SDK1: variants seen among roughly 807,000 people sequenced by gnomAD.
The protein encoded by SDK1 is protein sidekick-1.
In SDK1, 157 loss-of-function variants were observed where a neutral mutation model predicts 245.5. That is an observed-to-expected ratio of 0.64 (90% CI 0.56 to 0.73). SDK1 has a LOEUF of 0.73. Among genes scored for constraint, SDK1 ranks in the 30% least tolerant of loss-of-function variants. The pLI is 0.00. For missense variants in SDK1, 3,583 were observed against 3,002.3 expected (o/e 1.19, Z -4.52); for synonymous variants, 1,647 against 1,278.5 (o/e 1.29, Z -6.15).
chr7:3,460,720 A>G (rs1780807833), intron 1 of SDK1, among the ~76,000 whole-genome samples: 1 of 152,154 alleles, frequency 6.6e-6, no homozygotes, highest in Non-Finnish European at 1.5e-5. Context: ...AATCATTGGG[A>G]ATGAATCAGT....
chr7:3,889,554 CT>C (rs1282843887), intron 5 of SDK1, among the ~76,000 whole-genome samples: 2 of 152,114 alleles, frequency 1.3e-5, no homozygotes, highest in Non-Finnish European at 2.9e-5. Flanking sequence ...GCCACCCAGG[CT>C]GGAGTGCAGA....
At chr7:3,936,397 C>T (rs948067179) in intron 5 of SDK1, among the ~76,000 whole-genome samples, 29 of 151,784 alleles carry the variant, frequency 1.9e-4, no homozygotes, top group African/African-American at 4.4e-4. Context: ...CTGGCTAACA[C>T]GGTGAAACCC....
chr7:4,099,781 G>C (rs1782414733), intron 22 of SDK1, among the ~76,000 whole-genome samples: 1 of 147,526 alleles, frequency 6.8e-6, no homozygotes, highest in South Asian at 2.2e-4. Context: ...ATGGGAGATG[G>C]CCCAAGGGGA....
chr7:3,979,721 TC>T (rs1361268557), intron 13 of SDK1, among the ~76,000 whole-genome samples: 1 of 152,204 alleles, frequency 6.6e-6, no homozygotes, highest in Non-Finnish European at 1.5e-5. Flanking sequence ...GCGTCTTTGC[TC>T]TAGTTTTCTA....
At chr7:3,511,583 C>T (rs191534006) in intron 1 of SDK1, among the ~76,000 whole-genome samples, 116 of 152,170 alleles carry the variant, frequency 7.6e-4, no homozygotes, top group African/African-American at 2.7e-3. Flanking sequence ...TTCCTGTCTT[C>T]TTAACATTGT....
At chr7:4,139,399 ATG>A (rs1396002676) in intron 28 of SDK1, among the ~76,000 whole-genome samples, 75 of 142,506 alleles carry the variant, frequency 5.3e-4, no homozygotes, top group African/African-American at 1.5e-3. Context: ...GTGTGTGTAT[ATG>A]TGTGTGTGTA....
At chr7:3,588,940 C>CAA (rs1341581160) in intron 1 of SDK1, among the ~76,000 whole-genome samples, 2 of 152,148 alleles carry the variant, frequency 1.3e-5, no homozygotes, top group Non-Finnish European at 2.9e-5. Context: ...TTATATACTA[C>CAA]AAAAGAAGCT....
intron 19 of SDK1, among the ~76,000 whole-genome samples, chr7:4,064,148 T>C (rs1779723179): frequency 6.6e-6 from 1 of 152,146 alleles, no homozygotes; most frequent in Admixed American, 6.6e-5. Context: ...AGACAGCCTG[T>C]TGAATGGGAG....
At chr7:3,435,142 A>G (rs1052351754) in intron 1 of SDK1, among the ~76,000 whole-genome samples, 2 of 150,678 alleles carry the variant, frequency 1.3e-5, no homozygotes, top group African/African-American at 5.0e-5. Context: ...GTGATTCTTA[A>G]TAATTTTGCA....
intron 35 of SDK1, chr7:4,179,221 C>T (rs1427913430): frequency 1.3e-5 from 2 of 152,362 alleles, no homozygotes; most frequent in African/African-American, 2.4e-5. Flanking sequence ...ACCTCACCCT[C>T]CTCGCTGGCT....
In SDK1 at chr7:4,221,308, A is replaced by T; in HGVS notation, c.5771A>T (p.Glu1924Val). 6.2e-7 allele frequency: 1 copy of T among 1,613,722 alleles called. No homozygotes were observed. Among genetic ancestry groups the T allele is most frequent in the Non-Finnish European group, 8.5e-7 (1 of 1,179,940 alleles). ...TCTGAACTGACGCTGCAGTGGACTG[A>T]GGGACACTCTGGCGACACACCTACC... ...SASELTLQWT[E>V]GHSGDTPTTG... Residue 1924 changes from glutamate (E) to valine (V), a missense_variant, in exon 40 of 45, where the codon GAG becomes GTG. Transcript: ENST00000404826.
Position 4,013,580 on chromosome 7 carries a change from G to C in SDK1, c.2420+1345G>C, listed in dbSNP as rs1195575854. Among the ~76,000 whole-genome samples, 5 of 152,252 alleles carry C rather than the reference G, an allele frequency of 3.3e-5. No homozygotes were observed. The South Asian group carries it at 1.0e-3, about 32-fold the overall frequency. On this transcript the variant is annotated intron_variant, in intron 16 of 44. Transcript: ENST00000404826. ...AGCTTCATTATCCTTGTGTATGAAG[G>C]GCAACGCCTTCCCTGTATATATGTG...
intron 14 of SDK1, among the ~76,000 whole-genome samples, chr7:4,005,364 C>T (rs1297159608): frequency 1.3e-5 from 2 of 148,174 alleles, no homozygotes; most frequent in Non-Finnish European, 3.0e-5. Flanking sequence ...AGCTGCCTTC[C>T]GTTTCCGGGT....
intron 1 of SDK1, among the ~76,000 whole-genome samples, chr7:3,425,969 A>C (rs1262818468): frequency 6.6e-6 from 1 of 152,238 alleles, no homozygotes; most frequent in African/African-American, 2.4e-5. Flanking sequence ...TCCCCTTCTC[A>C]AAAGATTTTT....
chr7:4,088,443 A>AT (rs1781564524), intron 22 of SDK1, among the ~76,000 whole-genome samples: 1 of 152,086 alleles, frequency 6.6e-6, no homozygotes, highest in Non-Finnish European at 1.5e-5. Context: ...TTATTGTAAG[A>AT]TTTTATCATC....
intron 1 of SDK1, among the ~76,000 whole-genome samples, chr7:3,615,084 A>T (rs1342195778): frequency 6.6e-6 from 1 of 151,696 alleles, no homozygotes; most frequent in East Asian, 1.9e-4. Context: ...GCAAAACCAA[A>T]TTCAGATTTT....
At chr7:4,191,229 C>T (rs2128222629) in intron 35 of SDK1, among the ~76,000 whole-genome samples, 1 of 151,732 alleles carries the variant, frequency 6.6e-6, no homozygotes, top group East Asian at 1.9e-4. Flanking sequence ...TGGGTGTCCT[C>T]CTGGCCCCCA....
At chr7:3,548,628 G>T (rs1583152934) in intron 1 of SDK1, among the ~76,000 whole-genome samples, 1 of 152,150 alleles carries the variant, frequency 6.6e-6, no homozygotes. Context: ...AGGGCACCCA[G>T]GCTTTTGAAA....
At chr7:3,622,582 T>C (rs1331154846) in intron 2 of SDK1, among the ~76,000 whole-genome samples, 3 of 152,208 alleles carry the variant, frequency 2.0e-5, no homozygotes, top group Non-Finnish European at 4.4e-5. Flanking sequence ...ATAAGACAAC[T>C]TGCAGTCAAC....
Sources: gnomAD v4.1 joint callset for allele counts (sites outside exome capture counted in the v4.1 genomes callset) on GRCh38, gnomAD v4.1.1 for gene constraint, MANE v1.5 for transcripts, NCBI Gene and HGNC (gene_info 2026-07-23, HGNC 2026-07-21) for gene names.